The following STXBP5L variants were observed in gnomAD, a reference collection of about 807,000 sequenced individuals.
STXBP5L encodes the protein syntaxin binding protein 5L.
Under a neutral mutation model 144.5 loss-of-function variants are expected in STXBP5L, and 65 were observed. That is an observed-to-expected ratio of 0.45 (90% CI 0.37 to 0.55). STXBP5L has a LOEUF of 0.55. Ranked by LOEUF, STXBP5L falls within the 20% of genes least tolerant of loss-of-function variation. The pLI, the probability that STXBP5L is intolerant of heterozygous loss-of-function variation, is 0.00. For missense variants in STXBP5L, 1,298 were observed against 1,405.5 expected, an observed-to-expected ratio of 0.92 and a Z score of 1.22; for synonymous variants, 505 against 469.6, an observed-to-expected ratio of 1.08 and a Z score of -0.97.
At chr3:121,122,776 G>A (rs2044527443) in intron 7 of STXBP5L, among the ~76,000 whole-genome samples, 2 of 151,328 alleles carry the variant, frequency 1.3e-5, no homozygotes, top group South Asian at 4.1e-4. Context: ...AGGGTTGTTA[G>A]TTACTGTGGA....
At chr3:121,169,907 C>G (rs1431982763) in intron 9 of STXBP5L, among the ~76,000 whole-genome samples, 1 of 152,156 alleles carries the variant, frequency 6.6e-6, no homozygotes, top group Non-Finnish European at 1.5e-5. Context: ...TTCTCAGCAC[C>G]ACACTGCACT....
intron 7 of STXBP5L, among the ~76,000 whole-genome samples, chr3:121,139,044 GA>G (rs2045382784): frequency 6.6e-6 from 1 of 151,960 alleles, no homozygotes; most frequent in Non-Finnish European, 1.5e-5. Flanking sequence ...TCTGCTCACA[GA>G]ATTAAAGTAG....
At chr3:120,994,103 T>G (rs1440163294) in intron 3 of STXBP5L, among the ~76,000 whole-genome samples, 1 of 152,088 alleles carries the variant, frequency 6.6e-6, no homozygotes, top group Non-Finnish European at 1.5e-5. Flanking sequence ...TCATAATTGA[T>G]GTATAGAAAT....
chr3:121,336,445 C>A (rs1051696181), intron 20 of STXBP5L, among the ~76,000 whole-genome samples: 2 of 152,128 alleles, frequency 1.3e-5, no homozygotes, highest in Middle Eastern at 3.4e-3. Context: ...TGCAATAAAC[C>A]AAGATTGTGC....
chr3:120,952,162 G>T (rs1231650669), intron 2 of STXBP5L, among the ~76,000 whole-genome samples: 4 of 148,800 alleles, frequency 2.7e-5, no homozygotes, highest in Non-Finnish European at 5.9e-5. Context: ...TTGTGGGGTG[G>T]GGGGATGGGG....
At chr3:121,165,881 T>G (rs1160764881) in intron 9 of STXBP5L, among the ~76,000 whole-genome samples, 1 of 152,208 alleles carries the variant, frequency 6.6e-6, no homozygotes, top group African/African-American at 2.4e-5. Context: ...CATTTTGGAA[T>G]ACATTGGGTT....
intron 9 of STXBP5L, among the ~76,000 whole-genome samples, chr3:121,196,770 A>T (rs2047935645): frequency 6.6e-6 from 1 of 152,022 alleles, no homozygotes. Context: ...CCCTGGCTCA[A>T]GTGATCCTCC....
At chr3:121,412,668 A>G (rs2108750029) in intron 23 of STXBP5L, among the ~76,000 whole-genome samples, 1 of 150,286 alleles carries the variant, frequency 6.7e-6, no homozygotes, top group Admixed American at 6.7e-5. Context: ...TTTACAAACT[A>G]CTATAAACAA....
intron 1 of STXBP5L, among the ~76,000 whole-genome samples, chr3:120,908,793 G>A (rs1167916564): frequency 1.3e-5 from 2 of 150,824 alleles, no homozygotes; most frequent in African/African-American, 4.9e-5. Flanking sequence ...CGGCGGCTGC[G>A]GGCAGAGGTG....
intron 19 of STXBP5L, among the ~76,000 whole-genome samples, chr3:121,309,037 A>G (rs2043433259): frequency 6.6e-6 from 1 of 152,098 alleles, no homozygotes; most frequent in African/African-American, 2.4e-5. Context: ...AAGGAATGAA[A>G]TGCTGCACAA....
At chr3:121,182,562 A>G (rs1184672537) in intron 9 of STXBP5L, among the ~76,000 whole-genome samples, 1 of 152,138 alleles carries the variant, frequency 6.6e-6, no homozygotes, top group African/African-American at 2.4e-5. Context: ...GCCTACATCA[A>G]AAAGTCTGAA....
At chr3:121,200,141 T>A (rs1382589231) in intron 9 of STXBP5L, among the ~76,000 whole-genome samples, 1 of 152,202 alleles carries the variant, frequency 6.6e-6, no homozygotes, top group African/African-American at 2.4e-5. Context: ...AGGCTATTAA[T>A]TACTGCCTCA....
intron 3 of STXBP5L, among the ~76,000 whole-genome samples, chr3:120,979,599 G>T (rs1008684169): frequency 5.9e-5 from 9 of 152,076 alleles, no homozygotes; most frequent in Non-Finnish European, 1.0e-4. Context: ...GATGAACCCG[G>T]TACCTCCGAT....
At chr3:121,223,305 TACTTGAGAA>T in intron 11 of STXBP5L, 148 bp downstream of exon 11, 1 of 764,464 alleles carries the variant, frequency 1.3e-6, no homozygotes, top group South Asian at 2.0e-5. Flanking sequence ...CAACTGTACC[TACTTGAGAA>T]ACTGGAAATA....
chr3:121,332,172 T>C (rs996864660), intron 20 of STXBP5L, among the ~76,000 whole-genome samples: 3 of 151,418 alleles, frequency 2.0e-5, no homozygotes, highest in African/African-American at 7.3e-5. Flanking sequence ...AGAAAAATAA[T>C]TTTGGCAATA....
intron 14 of STXBP5L, among the ~76,000 whole-genome samples, chr3:121,250,350 TATG>T (rs573773735): frequency 5.7e-4 from 86 of 152,182 alleles, no homozygotes; most frequent in Middle Eastern, 3.4e-3. Flanking sequence ...TGAATTTTAC[TATG>T]ATATTCAATT....
intron 9 of STXBP5L, among the ~76,000 whole-genome samples, chr3:121,184,907 T>A (rs1371831424): frequency 6.6e-6 from 1 of 152,144 alleles, no homozygotes; most frequent in East Asian, 1.9e-4. Flanking sequence ...TGGGGACCAA[T>A]ATTCAACATT....
intron 5 of STXBP5L, among the ~76,000 whole-genome samples, chr3:121,060,390 A>AT (rs1477869338): frequency 6.6e-6 from 1 of 152,002 alleles, no homozygotes; most frequent in Non-Finnish European, 1.5e-5. Context: ...TTTATTGAAG[A>AT]TTTTCACATC....
intron 3 of STXBP5L, among the ~76,000 whole-genome samples, chr3:120,962,172 A>G (rs9844059): frequency 0.099 from 15,095 of 152,144 alleles, 1,179 homozygotes; most frequent in Admixed American, 0.2. Flanking sequence ...GATTCTGGAT[A>G]TTAGCCCTTT....
Sources: allele counts gnomAD v4.1 joint callset (sites outside exome capture counted in the v4.1 genomes callset), GRCh38; gene constraint gnomAD v4.1.1; transcripts MANE v1.5; gene names NCBI Gene and HGNC (gene_info 2026-07-23, HGNC 2026-07-21).